Variants in RNF152 observed in about 807,000 individuals in gnomAD.
The protein encoded by RNF152 is ring finger protein 152.
In RNF152, 11 loss-of-function variants were observed where a neutral mutation model predicts 12.7. The observed-to-expected ratio is 0.86, with a 90% CI of 0.54 to 1.43. The LOEUF (loss-of-function observed/expected upper bound fraction) is 1.43, where lower values mean the gene tolerates loss of function less well. Ranked by LOEUF, RNF152 falls within the 40% of genes most tolerant of loss-of-function variation. RNF152 has a pLI of 0.00. For missense variants in RNF152, 255 were observed against 274.8 expected, an observed-to-expected ratio of 0.93 and a Z score of 0.51; for synonymous variants, 113 against 120.3, an observed-to-expected ratio of 0.94 and a Z score of 0.40.
At chr18:61,836,032 T>C (rs1910166413) in intron 1 of RNF152, among the ~76,000 whole-genome samples, 1 of 152,148 alleles carries the variant, frequency 6.6e-6, no homozygotes, top group African/African-American at 2.4e-5. Flanking sequence ...AAATAATACA[T>C]AAATTTCTAA....
intron 1 of RNF152, among the ~76,000 whole-genome samples, chr18:61,887,667 A>C (rs1312878861): frequency 6.9e-6 from 1 of 145,232 alleles, no homozygotes; most frequent in Non-Finnish European, 1.5e-5. Flanking sequence ...GCCCCACTGC[A>C]CTCCAGCCTG....
Position 61,891,660 on chromosome 18 carries a change from G to C in RNF152, c.-136+1135C>G, listed in dbSNP as rs370362019. The stretch of plus-strand genomic sequence containing the variant: ...CTAGATAACTCAACTGCTTTTACTA[G>C]TGACTCCTGAATGCTTGTAGTAGAA... On this transcript the variant is annotated intron_variant, in intron 1 of 1. Coordinates refer to ENST00000312828, the MANE Select transcript of RNF152 (RefSeq NM_173557.3). Among the ~76,000 whole-genome samples the C allele has an allele frequency of 3.3e-5, 5 of 152,278 alleles. No individual in the cohort carries two copies. The East Asian group carries it at 7.7e-4, about 23-fold the overall frequency.
intron 1 of RNF152, chr18:61,888,876 T>G (rs1912816666): frequency 6.6e-6 from 1 of 152,216 alleles, no homozygotes; most frequent in Non-Finnish European, 1.5e-5. Flanking sequence ...ACCACTTTCA[T>G]GCCACAAGAG....
chr18:61,839,667 G>A (rs11152316), intron 1 of RNF152, among the ~76,000 whole-genome samples: 89 of 152,136 alleles, frequency 5.9e-4, no homozygotes, highest in East Asian at 1.4e-3. Flanking sequence ...AGGCTGAGGC[G>A]GGCGGATCAC....
intron 1 of RNF152, among the ~76,000 whole-genome samples, chr18:61,884,174 G>A (rs1278528323): frequency 6.6e-6 from 1 of 152,162 alleles, no homozygotes. Context: ...CACTTTATAT[G>A]TAAGTCTCTC....
intron 1 of RNF152, among the ~76,000 whole-genome samples, chr18:61,867,528 G>A (rs1568287576): frequency 1.3e-5 from 2 of 151,998 alleles, no homozygotes; most frequent in Non-Finnish European, 2.9e-5. Flanking sequence ...AGGAGGGGGA[G>A]CAGGGGCAAA....
At chr18:61,855,597 G>A (rs1240605894) in intron 1 of RNF152, among the ~76,000 whole-genome samples, 1 of 152,244 alleles carries the variant, frequency 6.6e-6, no homozygotes, top group East Asian at 1.9e-4. Flanking sequence ...TTCGCATGGA[G>A]CCAGCACCTG....
rs144972751 is a variant in RNF152, at chr18:61,810,991, G to A, written c.*4861C>T. 1.6e-3 allele frequency: 240 copies of A among 149,710 alleles called. No homozygotes were observed. Among genetic ancestry groups the A allele is most frequent in the African/African-American group, 5.4e-3 (219 of 40,630 alleles). The allele number at this position is 149,710 out of a possible 1,614,324, so 9.3% of individuals were successfully genotyped here. A position where few individuals can be genotyped will look rare whatever the true frequency, so the allele number is the denominator to read the frequency against. On this transcript the variant is annotated 3_prime_UTR_variant, in exon 2 of 2. Transcript: ENST00000312828. Reference sequence around the variant, plus strand: ...TTTTGTGTATCACTCCTTTTGCACCGATAACTTTTGAACTTCTATCTTCCT... The same window carrying A: ...TTTTGTGTATCACTCCTTTTGCACCAATAACTTTTGAACTTCTATCTTCCT...
At chr18:61,829,771 T>G (rs1332566140) in intron 1 of RNF152, among the ~76,000 whole-genome samples, 5 of 151,900 alleles carry the variant, frequency 3.3e-5, no homozygotes, top group Non-Finnish European at 7.4e-5. Flanking sequence ...AAGCGGAAGT[T>G]CTTATGTTGT....
intron 1 of RNF152, among the ~76,000 whole-genome samples, chr18:61,817,960 T>G (rs1338736951): frequency 1.3e-5 from 2 of 152,024 alleles, no homozygotes; most frequent in Non-Finnish European, 2.9e-5. Flanking sequence ...GCAGAAAAAA[T>G]TGCTAGTCCT....
chr18:61,883,222 A>G (rs987662579), intron 1 of RNF152, among the ~76,000 whole-genome samples: 1 of 152,204 alleles, frequency 6.6e-6, no homozygotes. Flanking sequence ...TTTCTGAAGA[A>G]TAAATTGATG....
At chr18:61,843,197 T>C (rs1910529489) in intron 1 of RNF152, among the ~76,000 whole-genome samples, 1 of 152,198 alleles carries the variant, frequency 6.6e-6, no homozygotes, top group African/African-American at 2.4e-5. Context: ...GAGAAAACTA[T>C]TTTCTTTTCA....
intron 1 of RNF152, among the ~76,000 whole-genome samples, chr18:61,835,501 G>C (rs1342132531): frequency 6.6e-6 from 1 of 152,160 alleles, no homozygotes; most frequent in Non-Finnish European, 1.5e-5. Context: ...TCATGAATAA[G>C]GAGGCAGGTG....
At chr18:61,875,268 C>A (rs1463719334) in intron 1 of RNF152, among the ~76,000 whole-genome samples, 1 of 152,178 alleles carries the variant, frequency 6.6e-6, no homozygotes, top group African/African-American at 2.4e-5. Context: ...AGACAGGGTC[C>A]TATATGGAAC....
chr18:61,833,804 T>A lies in RNF152; in HGVS notation c.-135-17206A>T, dbSNP rs146532259. The stretch of plus-strand genomic sequence containing the variant: ...AGAGATTTTTCTTTCTGTCCATAGA[T>A]CTAGAATGGGGTGATACATCACCTA... On this transcript the variant is annotated intron_variant, in intron 1 of 1. Transcript: ENST00000312828. Among the ~76,000 whole-genome samples the A allele has an allele frequency of 9.5e-4, 145 of 152,308 alleles. 1 individual carries two copies. The highest frequency in any genetic ancestry group is 3.3e-3 in the African/African-American group (137 of 41,574).
Position 61,816,610 on chromosome 18 carries a change from A to G in RNF152, c.-135-12T>C. ...AGGTGTGTTCATTTCTGAGAGAGAC[A>G]AATAATGCAAACAATCTTAATTATT... On this transcript the variant is annotated splice_polypyrimidine_tract_variant and intron_variant, in intron 1 of 1. Transcript: ENST00000312828. 1.4e-6 allele frequency: 1 copy of G among 740,538 alleles called. No individual in the cohort carries two copies. The highest frequency in any genetic ancestry group is 2.8e-5 in the Admixed American group (1 of 36,168). 45.9% of individuals were successfully genotyped at this position (740,538 alleles called of 1,614,324 possible). A position where few individuals can be genotyped will look rare whatever the true frequency, so the allele number is the denominator to read the frequency against.
At chr18:61,870,679 G>A (rs1164870349) in intron 1 of RNF152, among the ~76,000 whole-genome samples, 1 of 152,092 alleles carries the variant, frequency 6.6e-6, no homozygotes, top group Non-Finnish European at 1.5e-5. Context: ...AAAAAGGATC[G>A]AGGTCCTATT....
At chr18:61,888,314 A>C (rs951963794) in intron 1 of RNF152, 2 of 152,238 alleles carry the variant, frequency 1.3e-5, no homozygotes, top group Non-Finnish European at 2.9e-5. Flanking sequence ...CAGTGAGTCA[A>C]TTAGAAATTG....
intron 1 of RNF152, among the ~76,000 whole-genome samples, chr18:61,871,952 A>G (rs1912014402): frequency 1.3e-5 from 2 of 152,180 alleles, no homozygotes; most frequent in Admixed American, 1.3e-4. Context: ...CAATTCTCAC[A>G]TTGCTATAAA....
Sources: allele counts gnomAD v4.1 joint callset (sites outside exome capture counted in the v4.1 genomes callset), GRCh38; gene constraint gnomAD v4.1.1; transcripts MANE v1.5; gene names NCBI Gene and HGNC (gene_info 2026-07-23, HGNC 2026-07-21).